Variants in DNAH17 observed in about 807,000 individuals in gnomAD.
The protein encoded by DNAH17 is axonemal beta dynein heavy chain 17.
In DNAH17, 376 loss-of-function variants were observed where a neutral mutation model predicts 485.6. That is an observed-to-expected ratio of 0.77 (90% CI 0.71 to 0.84). The LOEUF (loss-of-function observed/expected upper bound fraction) is 0.84, where lower values mean the gene tolerates loss of function less well. Among genes scored for constraint, DNAH17 ranks in the 40% least tolerant of loss-of-function variants. The pLI, the probability that DNAH17 is intolerant of heterozygous loss-of-function variation, is 0.00. For missense variants in DNAH17, 6,370 were observed against 5,839.3 expected, an observed-to-expected ratio of 1.09 and a Z score of -2.96; for synonymous variants, 3,031 against 2,405.9, an observed-to-expected ratio of 1.26 and a Z score of -7.60.
At position 78,491,553 on chromosome 17, in the gene DNAH17, T is replaced by A. The variant is rs752898942; in HGVS notation, c.6559A>T (p.Met2187Leu). The A allele has an allele frequency of 3.1e-6, 5 of 1,613,906 alleles. No homozygotes were observed. The Admixed American group carries it at 8.3e-5, about 27-fold the overall frequency. ...EWKDGLFSTI[M>L]RDLANITHDG... The stretch of plus-strand genomic sequence containing the variant: ...TGGGTGATGTTGGCCAGGTCTCGCA[T>A]GATGGTGGAGAACAGGCCTGGGGGA... The change falls in exon 43 of 81, where the codon ATG becomes TTG. Residue 2187 changes from methionine to leucine, a missense_variant. Physicochemically the swap from Met to Leu is conservative, Grantham distance 15. Transcript: ENST00000389840.
At chr17:78,575,276 G>A (rs539321138) in intron 1 of DNAH17, among the ~76,000 whole-genome samples, 194 bp from the exon 2 acceptor site, 260 of 152,304 alleles carry the variant, frequency 1.7e-3, no homozygotes, top group African/African-American at 5.9e-3. Flanking sequence ...CCCCGGCCCC[G>A]CCATGGGGGG....
At position 78,563,154 on chromosome 17, in the gene DNAH17, G is replaced by A. The variant is rs139011082; in HGVS notation, c.1570-1174C>T. Among the ~76,000 whole-genome samples the A allele has an allele frequency of 3.7e-3, 560 of 152,322 alleles. 5 individuals are homozygous for A. Among genetic ancestry groups the A allele is most frequent in the African/African-American group, 0.013 (535 of 41,556 alleles). ...AATGCAAGATTGCGGCTATTTTTAA[G>A]TTAATTGTGTTTTTCAAAATTGTTC... On this transcript the variant is annotated intron_variant, in intron 11 of 80. Coordinates refer to ENST00000389840, the MANE Select transcript of DNAH17 (RefSeq NM_173628.4).
At chr17:78,514,682 GA>G (rs2090732922) in intron 26 of DNAH17, 91 bp downstream of exon 26, 5 of 1,497,726 alleles carry the variant, frequency 3.3e-6, no homozygotes, top group Non-Finnish European at 4.5e-6. Context: ...ATCGGGCCCT[GA>G]ACACCTTGGC....
chr17:78,502,033 T>C, intron 33 of DNAH17, 160 bp from the exon 34 acceptor site: 2 of 1,037,208 alleles, frequency 1.9e-6, no homozygotes, highest in Non-Finnish European at 2.8e-6. Flanking sequence ...CAGGCACTGG[T>C]TTCACCAGGG....
Position 78,514,333 on chromosome 17 carries a change from C to T in DNAH17, c.4113+441G>A, listed in dbSNP as rs1274014125. 7.2e-5 allele frequency among the ~76,000 whole-genome samples: 11 copies of T among 151,880 alleles called. No homozygotes were observed. The East Asian group carries it at 1.6e-3, about 21-fold the overall frequency. ...CAGCCTGGCCAATATGGTGAAACCC[C>T]GTCTGTACTAAAAATACAAAAATTA... On this transcript the variant is annotated intron_variant, in intron 26 of 80. Coordinates refer to ENST00000389840, the MANE Select transcript of DNAH17 (RefSeq NM_173628.4).
intron 36 of DNAH17, chr17:78,499,444 T>A: frequency 2.3e-5 from 4 of 171,160 alleles, no homozygotes; most frequent in Non-Finnish European, 4.9e-5. Flanking sequence ...CTTTCTTGCG[T>A]GGAGAGGAGA....
Position 78,485,031 on chromosome 17 carries a change from C to A in DNAH17, c.7486G>T (p.Val2496Leu). Reference sequence around the variant, plus strand: ...TTCTTCTCCAGCGGCTTCTCCAGCACCCCTAGAGAGGGCAGAGGGTCAGCT... The same window carrying A: ...TTCTTCTCCAGCGGCTTCTCCAGCAACCCTAGAGAGGGCAGAGGGTCAGCT... ...FYTTSAMLQG[V>L]LEKPLEKKSG... Residue 2496 changes from valine to leucine, a missense_variant and splice_region_variant, in exon 48 of 81, where the codon GTG (valine) becomes TTG (leucine). Val to Leu is a conservative substitution (Grantham distance 32). Coordinates refer to ENST00000389840, the MANE Select transcript of DNAH17 (RefSeq NM_173628.4). 6.2e-7 allele frequency: 1 copy of A among 1,606,220 alleles called. No homozygotes were observed. Among genetic ancestry groups the A allele is most frequent in the Non-Finnish European group, 8.5e-7 (1 of 1,176,124 alleles).
At position 78,445,578 on chromosome 17, in the gene DNAH17, G is replaced by A; in HGVS notation, c.11314C>T (p.Gln3772Ter). ...CGAACCTTGATCCCGCCCCAGCCTTGATGCTGGAGGAAGTCCACTGGTGAG... is the reference window on the plus strand; with the variant it reads ...CGAACCTTGATCCCGCCCCAGCCTTAATGCTGGAGGAAGTCCACTGGTGAG... Reference protein sequence around the residue: ...VVSPVDFLQHQGWGGIKALSE... With the variant: ...VVSPVDFLQH Residue 3772 changes from glutamine (Q) to a stop codon, truncating the protein, a stop_gained, in exon 70 of 81, where the codon CAA becomes TAA. Transcript: ENST00000389840. LOFTEE classifies it high-confidence loss of function. 1.3e-6 allele frequency: 2 copies of A among 1,562,484 alleles called. No homozygotes were observed. Among genetic ancestry groups the A allele is most frequent in the Non-Finnish European group, 1.7e-6 (2 of 1,152,930 alleles).
chr17:78,439,192 G>A lies in DNAH17; in HGVS notation c.11703C>T (p.Asp3901=), dbSNP rs2086972243. Residue 3901 remains aspartate (D), a synonymous_variant, in exon 73 of 81, where the codon GAC becomes GAT. Coordinates refer to ENST00000389840, the MANE Select transcript of DNAH17 (RefSeq NM_173628.4). Reference sequence around the variant, plus strand: ...GGGACACATTATGGAGTTTTCCATTGTCTATGGTAAACCCTAGTTTTTTTC... The same window carrying A: ...GGGACACATTATGGAGTTTTCCATTATCTATGGTAAACCCTAGTTTTTTTC... ...ALGKKLGFTI[D]NGKLHNVSLG... is the part of the protein sequence containing the mutation. The A allele has an allele frequency of 1.9e-6, 3 of 1,607,994 alleles. No individual in the cohort carries two copies. Among genetic ancestry groups the A allele is most frequent in the African/African-American group, 1.3e-5 (1 of 74,558 alleles).
rs147442973 is a variant in DNAH17 at position 78,564,387 on chromosome 17, C to T, written c.1569+2227G>A. Among the ~76,000 whole-genome samples, 628 of 152,228 alleles carry T rather than the reference C, an allele frequency of 4.1e-3. 4 individuals are homozygous for T. Among genetic ancestry groups the T allele is most frequent in the African/African-American group, 0.014 (580 of 41,542 alleles). ...CTTAATTTTTCAGATTTTTCCACAT[C>T]GGAACAGCAGCAGGGAGTCACAGCA... On this transcript the variant is annotated intron_variant, in intron 11 of 80. Coordinates refer to ENST00000389840, the MANE Select transcript of DNAH17 (RefSeq NM_173628.4).
chr17:78,571,474 C>T (rs1243533567), intron 4 of DNAH17, 96 bp from the exon 5 acceptor site: 47 of 1,478,052 alleles, frequency 3.2e-5, no homozygotes, highest in Admixed American at 2.5e-4. Flanking sequence ...GCAGAATTTA[C>T]GCAGGTCATC....
intron 38 of DNAH17, 63 bp downstream of exon 38, chr17:78,495,812 C>T: frequency 6.4e-7 from 1 of 1,568,546 alleles, no homozygotes; most frequent in Non-Finnish European, 8.7e-7. Context: ...CTCCTTGGCA[C>T]TGGGACGTTG....
intron 16 of DNAH17, among the ~76,000 whole-genome samples, chr17:78,544,641 A>C (rs1470092464): frequency 6.6e-6 from 1 of 151,916 alleles, no homozygotes; most frequent in Non-Finnish European, 1.5e-5. Context: ...TCTCTACTAA[A>C]AATACAAAAA....
chr17:78,478,619 C>CCCA (rs56375527), intron 51 of DNAH17, among the ~76,000 whole-genome samples: 52,911 of 146,632 alleles, frequency 0.36, 12,267 homozygotes, highest in African/African-American at 0.68. Flanking sequence ...CGTCATCACC[C>CCCA]CCATTATTAT....
intron 69 of DNAH17, among the ~76,000 whole-genome samples, chr17:78,448,157 A>G (rs1182483816): frequency 1.3e-5 from 2 of 151,708 alleles, no homozygotes; most frequent in African/African-American, 4.9e-5. Flanking sequence ...GGGCAACAAG[A>G]GGAAAACTCC....
chr17:78,526,963 G>A lies in DNAH17; in HGVS notation c.3541C>T (p.Leu1181=). ...LPEHWANTKK[L]AIQVKLTVAP... ...ACGGTCAGCTTCACCTGAATGGCCA[G>A]TTTCTTGGTATTTGCCCAGTGCTCC... Residue 1181 remains leucine, a synonymous_variant, in exon 23 of 81, where the codon CTG becomes TTG. Coordinates refer to ENST00000389840, the MANE Select transcript of DNAH17 (RefSeq NM_173628.4). 2 of 1,588,400 alleles carry A rather than the reference G, an allele frequency of 1.3e-6. No individual in the cohort carries two copies. The highest frequency in any genetic ancestry group is 1.7e-6 in the Non-Finnish European group (2 of 1,167,156).
At chr17:78,565,000 AC>A (rs1358695086) in intron 11 of DNAH17, among the ~76,000 whole-genome samples, 1 of 152,132 alleles carries the variant, frequency 6.6e-6, no homozygotes, top group African/African-American at 2.4e-5. Context: ...TCCATCCTCC[AC>A]CATCCCGCAG....
intron 9 of DNAH17, 113 bp from the exon 10 acceptor site, chr17:78,567,279 G>C: frequency 9.0e-7 from 1 of 1,108,934 alleles, no homozygotes; most frequent in Non-Finnish European, 1.3e-6. Context: ...AATGTCCCCA[G>C]GAGACACCAA....
At chr17:78,427,302 G>A (rs556004343) in intron 77 of DNAH17, among the ~76,000 whole-genome samples, 194 bp from the exon 78 acceptor site, 8 of 152,336 alleles carry the variant, frequency 5.3e-5, no homozygotes, top group Admixed American at 5.2e-4. Flanking sequence ...TTGGCCAGCG[G>A]CTCCGAGCAT....
Sources: gnomAD v4.1 joint callset for allele counts (sites outside exome capture counted in the v4.1 genomes callset) on GRCh38, gnomAD v4.1.1 for gene constraint, MANE v1.5 for transcripts, NCBI Gene and HGNC (gene_info 2026-07-23, HGNC 2026-07-21) for gene names.